ROBO1: variants seen among roughly 807,000 people sequenced by gnomAD.
ROBO1 encodes roundabout guidance receptor 1.
ROBO1 carries 149 observed loss-of-function variants against 195.9 expected under a neutral mutation model. The observed-to-expected ratio is 0.76, with a 90% CI of 0.67 to 0.87. ROBO1 has a LOEUF of 0.87. Ranked by LOEUF, ROBO1 falls within the 40% of genes least tolerant of loss-of-function variation. The pLI, the probability that ROBO1 is intolerant of heterozygous loss-of-function variation, is 0.00. For missense variants in ROBO1, 1,933 were observed against 2,068.3 expected, an observed-to-expected ratio of 0.93 and a Z score of 1.27; for synonymous variants, 816 against 733.2, an observed-to-expected ratio of 1.11 and a Z score of -1.82.
Position 78,944,385 on chromosome 3 carries a change from C to G in ROBO1, c.173-5458G>C, listed in dbSNP as rs114860683. Among the ~76,000 whole-genome samples, 143 of 152,294 alleles carry G rather than the reference C, an allele frequency of 9.4e-4. 1 individual carries two copies. The highest frequency in any genetic ancestry group is 3.3e-3 in the African/African-American group (138 of 41,566). ...TCCTGCTCTCTTTTTCTCTCTCTGC[C>G]ATGTGAGGACACAGAAGGCAGCCAT... On this transcript the variant is annotated intron_variant, in intron 3 of 30. Coordinates refer to ENST00000464233, the MANE Select transcript of ROBO1 (RefSeq NM_002941.4).
chr3:78,700,161 C>T (rs1458896578), intron 8 of ROBO1, among the ~76,000 whole-genome samples: 1 of 152,120 alleles, frequency 6.6e-6, no homozygotes, highest in Non-Finnish European at 1.5e-5. Flanking sequence ...GAAGAAATGA[C>T]AATAATGTTC....
intron 2 of ROBO1, among the ~76,000 whole-genome samples, chr3:79,172,801 A>G (rs2081190795): frequency 6.6e-6 from 1 of 151,950 alleles, no homozygotes; most frequent in African/African-American, 2.4e-5. Context: ...TGCTTACGAC[A>G]TTTGTTCTTT....
At chr3:78,733,012 G>T (rs984585708) in intron 5 of ROBO1, among the ~76,000 whole-genome samples, 1 of 152,016 alleles carries the variant, frequency 6.6e-6, no homozygotes, top group African/African-American at 2.4e-5. Flanking sequence ...AAATTCTTTG[G>T]TTTTAAGGAG....
chr3:79,108,898 C>G (rs552651185), intron 3 of ROBO1, among the ~76,000 whole-genome samples: 1 of 151,976 alleles, frequency 6.6e-6, no homozygotes, highest in Non-Finnish European at 1.5e-5. Context: ...AATGAACAAG[C>G]ATATTTAGTC....
chr3:78,633,845 C>G (rs1020944927), intron 24 of ROBO1, 90 bp downstream of exon 24: 42 of 732,738 alleles, frequency 5.7e-5, no homozygotes, highest in Middle Eastern at 2.5e-4. Context: ...AGACATGTCA[C>G]CTACATACGT....
intron 4 of ROBO1, among the ~76,000 whole-genome samples, chr3:78,790,787 T>C (rs888755658): frequency 1.3e-5 from 2 of 152,186 alleles, no homozygotes; most frequent in Non-Finnish European, 2.9e-5. Flanking sequence ...ATTTCCACTG[T>C]CCAATATTCA....
intron 3 of ROBO1, among the ~76,000 whole-genome samples, chr3:79,094,870 CCCTCTCTCCCTTCCTT>C (rs2079539452): frequency 1.4e-5 from 2 of 141,186 alleles, no homozygotes; most frequent in African/African-American, 2.6e-5. Context: ...CTCCCTCCCT[CCCTCTCTCCCTTCCTT>C]CCCCTCACCC....
chr3:78,844,165 C>T (rs2033487271), intron 4 of ROBO1, among the ~76,000 whole-genome samples: 1 of 152,038 alleles, frequency 6.6e-6, no homozygotes, highest in African/African-American at 2.4e-5. Context: ...TTGCTTTGTA[C>T]CCTACTAAGC....
rs548429510 is a variant in ROBO1, at chr3:79,690,419, G to C, written c.-51+77333C>G. ...GCTCTGGAGGTCTTTGAACATAGAGGAACAGACTGCTAGAAGTGGGAAAAG... is the reference window on the plus strand; with the variant it reads ...GCTCTGGAGGTCTTTGAACATAGAGCAACAGACTGCTAGAAGTGGGAAAAG... On this transcript the variant is annotated intron_variant, in intron 1 of 30. Coordinates refer to ENST00000464233, the MANE Select transcript of ROBO1 (RefSeq NM_002941.4). Among the ~76,000 whole-genome samples the C allele has an allele frequency of 1.6e-4, 24 of 151,984 alleles. No individual in the cohort carries two copies. The South Asian group carries it at 5.0e-3, about 31-fold the overall frequency.
chr3:78,797,306 A>G (rs770543915), intron 4 of ROBO1, among the ~76,000 whole-genome samples: 1 of 152,216 alleles, frequency 6.6e-6, no homozygotes, highest in Admixed American at 6.5e-5. Context: ...TAGAACAACT[A>G]TCAGATTGCA....
chr3:79,226,462 C>T lies in ROBO1; in HGVS notation c.89-100923G>A, dbSNP rs145911634. On this transcript the variant is annotated intron_variant, in intron 2 of 30. Coordinates refer to ENST00000464233, the MANE Select transcript of ROBO1 (RefSeq NM_002941.4). The stretch of plus-strand genomic sequence containing the variant: ...CATTTCTGTCTTCACCCTGTATAGA[C>T]GATTCTAGCTCCTATATCATAAAGA... Among the ~76,000 whole-genome samples the T allele has an allele frequency of 9.3e-3, 1,421 of 152,114 alleles. 19 individuals carry two copies. The highest frequency in any genetic ancestry group is 0.032 in the African/African-American group (1,342 of 41,496).
intron 3 of ROBO1, among the ~76,000 whole-genome samples, chr3:79,000,564 C>T (rs1465925828): frequency 6.6e-6 from 1 of 152,034 alleles, no homozygotes; most frequent in Non-Finnish European, 1.5e-5. Context: ...CAAATCAAAA[C>T]CACAATGAGA....
chr3:79,591,772 A>G (rs760902490), intron 1 of ROBO1, among the ~76,000 whole-genome samples: 10 of 151,856 alleles, frequency 6.6e-5, no homozygotes, highest in Non-Finnish European at 1.0e-4. Context: ...GAGAAAATGT[A>G]TAAGTATATT....
intron 2 of ROBO1, among the ~76,000 whole-genome samples, chr3:79,293,779 C>T (rs1424733087): frequency 6.6e-6 from 1 of 152,102 alleles, no homozygotes; most frequent in South Asian, 2.1e-4. Flanking sequence ...CTACTTTGGG[C>T]CGGGCGCGGT....
chr3:79,668,485 A>T (rs1199850557), intron 1 of ROBO1, among the ~76,000 whole-genome samples: 1 of 151,658 alleles, frequency 6.6e-6, no homozygotes, highest in Non-Finnish European at 1.5e-5. Context: ...CAAATTTAAA[A>T]ATCTAATTAA....
At chr3:78,889,457 C>T (rs536902144) in intron 4 of ROBO1, among the ~76,000 whole-genome samples, 74 of 152,140 alleles carry the variant, frequency 4.9e-4, no homozygotes, top group Non-Finnish European at 8.1e-4. Context: ...CACACATGTG[C>T]GTAAGGGTAC....
intron 2 of ROBO1, among the ~76,000 whole-genome samples, chr3:79,378,340 T>A (rs1364218403): frequency 6.6e-6 from 1 of 152,008 alleles, no homozygotes; most frequent in African/African-American, 2.4e-5. Context: ...TGTCTCCCTG[T>A]CCCCCATGCT....
chr3:78,833,934 A>G (rs1162047917), intron 4 of ROBO1, among the ~76,000 whole-genome samples: 1 of 152,206 alleles, frequency 6.6e-6, no homozygotes, highest in East Asian at 1.9e-4. Context: ...AATGGGCTAC[A>G]TTCAGACTTT....
intron 4 of ROBO1, among the ~76,000 whole-genome samples, chr3:78,802,759 T>C (rs910929193): frequency 6.6e-6 from 1 of 151,780 alleles, no homozygotes; most frequent in Non-Finnish European, 1.5e-5. Context: ...TCAATAACAT[T>C]ATCAACAATA....
Sources: allele counts gnomAD v4.1 joint callset (sites outside exome capture counted in the v4.1 genomes callset), GRCh38; gene constraint gnomAD v4.1.1; transcripts MANE v1.5; gene names NCBI Gene and HGNC (gene_info 2026-07-23, HGNC 2026-07-21).